MYH6: variants seen among roughly 807,000 people sequenced by gnomAD.
The protein encoded by MYH6 is myosin heavy chain 6.
A neutral mutation model predicts 223.2 loss-of-function variants in MYH6; 126 were observed. That is an observed-to-expected ratio of 0.56 (90% CI 0.49 to 0.65). MYH6 has a LOEUF of 0.65. MYH6 is among the 30% of genes least tolerant of loss of function. MYH6 has a pLI of 0.00. For missense variants in MYH6, 2,040 were observed against 2,536.4 expected (o/e 0.80, Z 4.20); for synonymous variants, 978 against 1,010.2 (o/e 0.97, Z 0.61).
In MYH6 at chr14:23,407,481, C is replaced by T; in HGVS notation, c.-14+95G>A. The T allele has an allele frequency of 7.6e-7, 1 of 1,307,954 alleles. No homozygotes were observed. Among genetic ancestry groups the T allele is most frequent in the Non-Finnish European group, 1.0e-6 (1 of 999,148 alleles). 81.0% of individuals were successfully genotyped at this position (1,307,954 alleles called of 1,614,324 possible). A position where few individuals can be genotyped will look rare whatever the true frequency, so the allele number is the denominator to read the frequency against. On this transcript the variant is annotated intron_variant, in intron 2 of 38. Transcript: ENST00000405093. This position sits in a 1 kb window ranked among gnomAD's most constrained non-coding sequence, Gnocchi z 5.6. ...GGCTGGAGTATGCTAAGGGTTGGCG[C>T]TGAGTGCTTGGGACAGCAGACCCCT...
chr14:23,393,723 A>G lies in MYH6; in HGVS notation c.2871T>C (p.Asp957=). The G allele has an allele frequency of 6.2e-7, 1 of 1,614,160 alleles. No individual in the cohort carries two copies. Among genetic ancestry groups the G allele is most frequent in the Non-Finnish European group, 8.5e-7 (1 of 1,180,026 alleles). ...CCTTGGCCAGTGTCAGCTCCAGGTC[A>G]TCAATGTCCTTCTTGAGCTCTGAGC... is the stretch of plus-strand genomic sequence containing the variant. ...DECSELKKDI[D]DLELTLAKVE... Residue 957 remains aspartate (D), a synonymous_variant, in exon 22 of 39, where the codon GAT becomes GAC. Coordinates refer to ENST00000405093, the MANE Select transcript of MYH6 (RefSeq NM_002471.4).
rs750020902 is a variant in MYH6, at chr14:23,393,008, C to T, written c.3155G>A (p.Arg1052Gln). Reference sequence around the variant, plus strand: ...GTCGCCCTCCAGTTTCCGCTTTGCTCGCTCCAGGTCCATGCGCACCTTCTT... The same window carrying T: ...GTCGCCCTCCAGTTTCCGCTTTGCTTGCTCCAGGTCCATGCGCACCTTCTT... Reference protein sequence around the residue: ...QEKKVRMDLERAKRKLEGDLK... With the variant: ...QEKKVRMDLEQAKRKLEGDLK... The change falls in exon 24 of 39, where the codon CGA becomes CAA. Residue 1052 changes from arginine to glutamine, a missense_variant. Around this residue, in one of 4 missense-constraint regions of MYH6, gnomAD observed 1,203 missense variants for 1,400.2 expected, o/e 0.86. Coordinates refer to ENST00000405093, the MANE Select transcript of MYH6 (RefSeq NM_002471.4). 6.8e-6 allele frequency: 11 copies of T among 1,614,106 alleles called. No individual in the cohort carries two copies. Among genetic ancestry groups the T allele is most frequent in the South Asian group, 4.4e-5 (4 of 91,084 alleles).
chr14:23,403,767 A>G lies in MYH6; in HGVS notation c.747T>C (p.Ile249=), dbSNP rs1566515625. The G allele has an allele frequency of 4.3e-6, 7 of 1,612,086 alleles. No homozygotes were observed. In the Middle Eastern group the frequency reaches 6.6e-4, roughly 152 times the overall value. The change falls in exon 9 of 39, where the codon ATT becomes ATC. Residue 249 remains isoleucine, a synonymous_variant. Coordinates refer to ENST00000405093, the MANE Select transcript of MYH6 (RefSeq NM_002471.4). ...TTCCAGTGGCCCCAAAGTGGATCCT[A>G]ATGAATTTCCCCTGGGGACGAATGG... ...NDNSSRFGKF[I]RIHFGATGKL... is the part of the protein sequence containing the mutation.
intron 14 of MYH6, chr14:23,399,978 T>C: frequency 2.0e-6 from 1 of 505,036 alleles, no homozygotes; most frequent in Admixed American, 3.2e-5. Context: ...ACGCTTCTCA[T>C]GGGCGGTCAG....
chr14:23,392,301 T>C (rs1383668436), intron 25 of MYH6, among the ~76,000 whole-genome samples: 3 of 151,978 alleles, frequency 2.0e-5, no homozygotes, highest in Non-Finnish European at 4.4e-5. Context: ...GAGTAGAAAG[T>C]CCCTGAGGCA....
Position 23,396,799 on chromosome 14 carries a change from T to A in MYH6, c.2187A>T (p.Pro729=). 6.2e-7 allele frequency: 1 copy of A among 1,613,978 alleles called. No individual in the cohort carries two copies. Among genetic ancestry groups the A allele is most frequent in the Non-Finnish European group, 8.5e-7 (1 of 1,179,864 alleles). ...DFRQRYRILN[P]VAIPEGQFID... ...TGAACTGTCCCTCAGGGATGGCCAC[T>A]GGGTTCAGGATGCGATACCTGAGGA... The change falls in exon 19 of 39, where the codon CCA becomes CCT. Residue 729 remains proline, a synonymous_variant. Coordinates refer to ENST00000405093, the MANE Select transcript of MYH6 (RefSeq NM_002471.4).
chr14:23,389,072 G>GGCCCC lies in MYH6; in HGVS notation c.3979-18_3979-17insGGGGC. On this transcript the variant is annotated splice_polypyrimidine_tract_variant and intron_variant, in intron 28 of 38. Coordinates refer to ENST00000405093, the MANE Select transcript of MYH6 (RefSeq NM_002471.4). ...GTTCTTCGCCTGGGGAGGGGGGGGG[G>GGCCCC]CACCAGGAGGTGGGAGGGACTCCCT... The GGCCCC allele has an allele frequency of 6.2e-6, 7 of 1,135,142 alleles. No homozygotes were observed. Among genetic ancestry groups the GGCCCC allele is most frequent in the East Asian group, 2.7e-5 (1 of 36,600 alleles). The allele number at this position is 1,135,142 out of a possible 1,614,324, so 70.3% of individuals were successfully genotyped here.
Position 23,389,682 on chromosome 14 carries a change from T to A in MYH6, c.3770A>T (p.Gln1257Leu). ...LEKVSRTLED[Q>L]ANEYRVKLEE... ...TAGCTTCACGCGGTACTCATTGGCC[T>A]GGTCCTCCAGCGTCCGAGACACTTT... The change falls in exon 27 of 39, where the codon CAG (glutamine) becomes CTG (leucine). Residue 1257 changes from glutamine (Q) to leucine (L), a missense_variant. Around this residue, in one of 4 missense-constraint regions of MYH6, gnomAD observed 1,203 missense variants for 1,400.2 expected, o/e 0.86. Transcript: ENST00000405093. 6.2e-7 allele frequency: 1 copy of A among 1,614,200 alleles called. No individual in the cohort carries two copies. The highest frequency in any genetic ancestry group is 8.5e-7 in the Non-Finnish European group (1 of 1,180,036).
rs751153777 is a variant in MYH6, at chr14:23,390,177, C to G, written c.3612G>C (p.Glu1204Asp). 1.3e-4 allele frequency: 203 copies of G among 1,607,924 alleles called. No homozygotes were observed. The highest frequency in any genetic ancestry group is 1.6e-4 in the Non-Finnish European group (193 of 1,176,622). The change falls in exon 26 of 39, where the codon GAG becomes GAC. Residue 1204 changes from glutamate (E) to aspartate (D), a missense_variant. Glu to Asp is a conservative substitution (Grantham distance 45, BLOSUM62 2). This residue lies in a region of MYH6 where 1,203 missense variants were observed against 1,400.2 expected (regional missense o/e 0.86). Coordinates refer to ENST00000405093, the MANE Select transcript of MYH6 (RefSeq NM_002471.4). ...LRKKHADSVA[E>D]LGEQIDNLQR... ...GCAGGTTGTCGATCTGCTCGCCCAG[C>G]TCGGCCACGCTGTCGGCGTGCTTCT...
At chr14:23,386,237 T>C in intron 33 of MYH6, 78 bp downstream of exon 33, 5 of 1,612,984 alleles carry the variant, frequency 3.1e-6, no homozygotes, top group South Asian at 1.1e-5. Context: ...AGGAATCTGG[T>C]GCCTGTATCC....
At position 23,398,768 on chromosome 14, in the gene MYH6, G is replaced by A. The variant is rs1891506939; in HGVS notation, c.1851C>T (p.Leu617=). 6.2e-7 allele frequency: 1 copy of A among 1,614,222 alleles called. No homozygotes were observed. The highest frequency in any genetic ancestry group is 8.5e-7 in the Non-Finnish European group (1 of 1,180,032). ...VALYQKSSLK[L]MATLFSSYAT... is the part of the protein sequence containing the mutation. ...CGTAGGAGGAGAAGAGAGTGGCCAT[G>A]AGCTTGAGGGAGGACTTCTGGTACA... The change falls in exon 15 of 39, where the codon CTC becomes CTT. Residue 617 remains leucine (L), a synonymous_variant. Transcript: ENST00000405093.
intron 9 of MYH6, 98 bp from the exon 10 acceptor site, chr14:23,403,544 CT>C: frequency 2.5e-6 from 3 of 1,215,840 alleles, no homozygotes; most frequent in Non-Finnish European, 3.7e-6. Context: ...GCACCCACAG[CT>C]TGATGAAGAG....
chr14:23,382,588 G>A, intron 37 of MYH6, 26 bp from the exon 38 acceptor site: 2 of 1,614,162 alleles, frequency 1.2e-6, no homozygotes, highest in Non-Finnish European at 1.7e-6. Flanking sequence ...GGGGATGGGT[G>A]AATGAGCTGG....
chr14:23,382,464 G>A lies in MYH6; in HGVS notation c.5760C>T (p.Asn1920=). Residue 1920 remains asparagine (N), a synonymous_variant, in exon 38 of 39, where the codon AAC becomes AAT. Transcript: ENST00000405093. ...TGTCACGGCTCTTGGCTCGAAGCTT[G>A]TTGACCTGGGACTCAGCGATGTCCG... ...ERADIAESQV[N]KLRAKSRDIG... 6.2e-7 allele frequency: 1 copy of A among 1,614,148 alleles called. No individual in the cohort carries two copies. Among genetic ancestry groups the A allele is most frequent in the Non-Finnish European group, 8.5e-7 (1 of 1,180,024 alleles).
chr14:23,393,655 G>A lies in MYH6; in HGVS notation c.2928+11C>T, dbSNP rs1207000432. On this transcript the variant is annotated intron_variant, in intron 22 of 38. Transcript: ENST00000405093. ...GAGACCTGGGCTGAAGCCAGAGGGA[G>A]CTGCCCTCACCTTGTTCTCTGTTGC... The A allele has an allele frequency of 6.2e-7, 1 of 1,614,230 alleles. No individual in the cohort carries two copies. Among genetic ancestry groups the A allele is most frequent in the Admixed American group, 1.7e-5 (1 of 60,032 alleles).
chr14:23,389,072 G>GGGGGGGCC lies in MYH6; in HGVS notation c.3979-18_3979-17insGGCCCCCC. The stretch of plus-strand genomic sequence containing the variant: ...GTTCTTCGCCTGGGGAGGGGGGGGG[G>GGGGGGGCC]CACCAGGAGGTGGGAGGGACTCCCT... On this transcript the variant is annotated splice_polypyrimidine_tract_variant and intron_variant, in intron 28 of 38. Coordinates refer to ENST00000405093, the MANE Select transcript of MYH6 (RefSeq NM_002471.4). The GGGGGGGCC allele has an allele frequency of 5.3e-6, 6 of 1,135,152 alleles. No homozygotes were observed. The highest frequency in any genetic ancestry group is 7.8e-6 in the Non-Finnish European group (6 of 774,140). 70.3% of individuals were successfully genotyped at this position (1,135,152 alleles called of 1,614,324 possible).
At position 23,407,449 on chromosome 14, in the gene MYH6, T is replaced by C; in HGVS notation, c.-14+127A>G. The C allele has an allele frequency of 1.7e-6, 2 of 1,150,254 alleles. No individual in the cohort carries two copies. The highest frequency in any genetic ancestry group is 2.4e-6 in the Non-Finnish European group (2 of 842,936). 71.3% of individuals were successfully genotyped at this position (1,150,254 alleles called of 1,614,324 possible). On this transcript the variant is annotated intron_variant, in intron 2 of 38. Transcript: ENST00000405093. This position sits in a 1 kb window ranked among gnomAD's most constrained non-coding sequence, Gnocchi z 5.6. ...ATCTCTGTAAGGGGTTTCCCTGGGG[T>C]GGCATTGGCTGGAGTATGCTAAGGG...
At chr14:23,388,016 T>G in intron 30 of MYH6, 93 bp from the exon 31 acceptor site, 5 of 1,605,692 alleles carry the variant, frequency 3.1e-6, no homozygotes, top group Non-Finnish European at 4.2e-6. Flanking sequence ...CTCAGCCGCA[T>G]GTCCAAGATC....
chr14:23,402,310 C>G (rs1891625843), intron 12 of MYH6, among the ~76,000 whole-genome samples, 154 bp downstream of exon 12: 1 of 152,032 alleles, frequency 6.6e-6, no homozygotes, highest in African/African-American at 2.4e-5. Context: ...GTGGTGGACT[C>G]TCTGTCTGCC....
Sources: allele counts gnomAD v4.1 joint callset (sites outside exome capture counted in the v4.1 genomes callset), GRCh38; gene constraint gnomAD v4.1.1; regional missense constraint gnomAD v4.1.1; non-coding constraint Gnocchi (gnomAD v3.1); transcripts MANE v1.5; gene names NCBI Gene and HGNC (gene_info 2026-07-23, HGNC 2026-07-21).